The following ZBTB4 variants were observed in gnomAD, a reference collection of about 807,000 sequenced individuals.
ZBTB4 encodes zinc finger and BTB domain containing 4, also known as zinc finger and BTB domain-containing protein 4.
In ZBTB4, 14 loss-of-function variants were observed where a neutral mutation model predicts 59.8. The observed-to-expected ratio is 0.23, with a 90% CI of 0.15 to 0.37. The LOEUF is 0.37. Ranked by LOEUF, ZBTB4 falls within the 10% of genes least tolerant of loss-of-function variation. The probability of loss-of-function intolerance (pLI) is 1.00; values close to 1 mark genes in which losing one functional copy is unlikely to be tolerated. For missense variants in ZBTB4, 1,198 were observed against 1,380.8 expected (o/e 0.87, Z 2.10); for synonymous variants, 587 against 575.2 (o/e 1.02, Z -0.29).
At chr17:7,477,629 G>C (rs909663952) in intron 1 of ZBTB4, among the ~76,000 whole-genome samples, 5 of 152,210 alleles carry the variant, frequency 3.3e-5, no homozygotes, top group Non-Finnish European at 7.3e-5. Context: ...CTGTTCTGAG[G>C]AATCTGCCTA....
chr17:7,474,220 C>CTTTTTTTTTTTTT (rs67462449), intron 1 of ZBTB4, among the ~76,000 whole-genome samples: 3 of 116,112 alleles, frequency 2.6e-5, no homozygotes, highest in Non-Finnish European at 3.5e-5. Flanking sequence ...CATGGCCAGA[C>CTTTTTTTTTTTTT]TTTTTTTTTT....
intron 1 of ZBTB4, among the ~76,000 whole-genome samples, chr17:7,475,716 G>A (rs1034706956): frequency 6.6e-6 from 1 of 152,190 alleles, no homozygotes; most frequent in Non-Finnish European, 1.5e-5. Flanking sequence ...GGGATTACAG[G>A]CATGGGCCAC....
chr17:7,480,033 A>G (rs973987631), upstream of ZBTB4, among the ~76,000 whole-genome samples: 2 of 152,092 alleles, frequency 1.3e-5, no homozygotes, highest in Non-Finnish European at 2.9e-5. Context: ...TCACAGACCC[A>G]GGGTCGGCAC....
upstream of ZBTB4, among the ~76,000 whole-genome samples, chr17:7,481,028 A>T (rs1307316187): frequency 6.6e-6 from 1 of 152,044 alleles, no homozygotes; most frequent in African/African-American, 2.4e-5. Context: ...GTGTGGTGGC[A>T]CATGCCTGTA....
chr17:7,474,798 G>A (rs2070247036), intron 1 of ZBTB4, among the ~76,000 whole-genome samples: 1 of 151,456 alleles, frequency 6.6e-6, no homozygotes, highest in African/African-American at 2.4e-5. Flanking sequence ...GATCACTTGA[G>A]GTCAGGAGTT....
chr17:7,467,181 CA>C, intron 2 of ZBTB4, 75 bp downstream of exon 2: 1 of 1,051,506 alleles, frequency 9.5e-7, no homozygotes, highest in Non-Finnish European at 1.1e-6. Context: ...CCAGCCTAGA[CA>C]AAATGGCCGC....
At chr17:7,472,011 C>T (rs757496777) in intron 1 of ZBTB4, among the ~76,000 whole-genome samples, 5 of 152,078 alleles carry the variant, frequency 3.3e-5, no homozygotes, top group Admixed American at 1.3e-4. Flanking sequence ...CTACATCTTG[C>T]GGTTCCCTCT....
chr17:7,473,349 T>C (rs2070226291), intron 1 of ZBTB4, among the ~76,000 whole-genome samples: 1 of 151,954 alleles, frequency 6.6e-6, no homozygotes. Context: ...TCTCCTGACC[T>C]TGTGATCTGC....
At chr17:7,470,080 C>G (rs867676509) in intron 1 of ZBTB4, among the ~76,000 whole-genome samples, 5 of 151,794 alleles carry the variant, frequency 3.3e-5, no homozygotes, top group Admixed American at 1.3e-4. Context: ...GACTCTGTCT[C>G]AAAAAATAAA....
chr17:7,465,267 A>G (rs1436585138), intron 3 of ZBTB4, among the ~76,000 whole-genome samples: 2 of 151,462 alleles, frequency 1.3e-5, no homozygotes, highest in South Asian at 2.1e-4. Context: ...GACCATCCTG[A>G]CCAACATGAT....
rs905559613 is a variant in ZBTB4, at chr17:7,465,878, C to T, written c.924G>A (p.Leu308=). 2 of 1,613,930 alleles carry T rather than the reference C, an allele frequency of 1.2e-6. No homozygotes were observed. The highest frequency in any genetic ancestry group is 1.3e-5 in the African/African-American group (1 of 75,068). Residue 308 remains leucine (L), a synonymous_variant, in exon 3 of 4, where the codon CTG becomes CTA. Coordinates refer to ENST00000380599, the MANE Select transcript of ZBTB4 (RefSeq NM_001128833.2). The part of the protein sequence containing the change: ...HVVKVVGGHV[L]YVCAACERSY... ...AACGCTCGCAGGCCGCGCACACATA[C>T]AGCACGTGGCCGCCCACCACCTTCA...
At chr17:7,481,529 G>C (rs184831908), upstream of ZBTB4, 44 of 1,550,336 alleles carry the variant, frequency 2.8e-5, 1 homozygote, top group South Asian at 5.2e-4. Flanking sequence ...GGTGAGTGTG[G>C]GGGCCAGGGG....
At chr17:7,480,280 G>A (rs939231636), upstream of ZBTB4, among the ~76,000 whole-genome samples, 1 of 152,156 alleles carries the variant, frequency 6.6e-6, no homozygotes, top group Admixed American at 6.5e-5. Context: ...TCTGGGGACA[G>A]CATCAACAAA....
At chr17:7,464,775 T>G (rs980916937) in intron 3 of ZBTB4, among the ~76,000 whole-genome samples, 1 of 141,234 alleles carries the variant, frequency 7.1e-6, no homozygotes, top group Non-Finnish European at 1.5e-5. Context: ...GAGGTAGAGG[T>G]TGCACTGAGC....
rs1225789279 is a variant in ZBTB4 at position 7,462,637 on chromosome 17, C to T, written c.2345G>A (p.Arg782His). The T allele has an allele frequency of 1.9e-6, 3 of 1,607,416 alleles. No individual in the cohort carries two copies. Among genetic ancestry groups the T allele is most frequent in the Non-Finnish European group, 1.7e-6 (2 of 1,177,516 alleles). The change falls in exon 4 of 4, where the codon CGC becomes CAC. Residue 782 changes from arginine to histidine, a missense_variant. Coordinates refer to ENST00000380599, the MANE Select transcript of ZBTB4 (RefSeq NM_001128833.2). The surrounding 1 kb of genome is among the most constrained non-coding windows in gnomAD (Gnocchi z 7.5). The part of the protein sequence containing the change: ...KVCKTAAALS[R>H]HGQRHAAERP... ...CTCAGCAGCATGCCTCTGCCCGTGGCGGCTCAGGGCAGCTGCGGTCTTGCA... is the reference window on the plus strand; with the variant it reads ...CTCAGCAGCATGCCTCTGCCCGTGGTGGCTCAGGGCAGCTGCGGTCTTGCA...
chr17:7,479,661 C>T (rs2070318389), upstream of ZBTB4: 2 of 146,018 alleles, frequency 1.4e-5, no homozygotes, highest in Non-Finnish European at 3.0e-5. Context: ...CTACCCCCAC[C>T]CCCACCCCCG....
At chr17:7,478,114 C>G (rs1432978823) in intron 1 of ZBTB4, among the ~76,000 whole-genome samples, 1 of 152,134 alleles carries the variant, frequency 6.6e-6, no homozygotes, top group Admixed American at 6.5e-5. Flanking sequence ...CTGAGGCCCA[C>G]ACTGCCCTTG....
intron 1 of ZBTB4, among the ~76,000 whole-genome samples, chr17:7,475,890 C>T (rs1173328372): frequency 6.6e-6 from 1 of 152,218 alleles, no homozygotes; most frequent in Non-Finnish European, 1.5e-5. Context: ...ACTGCTAGAC[C>T]TGGCCCTGAA....
chr17:7,465,060 G>A (rs531773082), intron 3 of ZBTB4, among the ~76,000 whole-genome samples: 3 of 150,934 alleles, frequency 2.0e-5, no homozygotes, highest in Non-Finnish European at 4.4e-5. Context: ...GGAGGCTGAG[G>A]CAGGAGAATG....
Sources: gnomAD v4.1 joint callset for allele counts (sites outside exome capture counted in the v4.1 genomes callset) on GRCh38, gnomAD v4.1.1 for gene constraint, Gnocchi (gnomAD v3.1) non-coding constraint, MANE v1.5 for transcripts, NCBI Gene and HGNC (gene_info 2026-07-23, HGNC 2026-07-21) for gene names.